C1QTNF3: variants seen among roughly 807,000 people sequenced by gnomAD.
The protein encoded by C1QTNF3 is complement C1q tumor necrosis factor-related protein 3.
C1QTNF3 carries 26 observed loss-of-function variants against 32.6 expected under a neutral mutation model. The ratio of observed to expected loss-of-function variants is 0.80; its 90% CI spans 0.58 to 1.11. C1QTNF3 has a LOEUF of 1.11. Ranked by LOEUF, C1QTNF3 falls within the 50% of genes least tolerant of loss-of-function variation. The probability of loss-of-function intolerance (pLI) is 0.00; values close to 1 mark genes in which losing one functional copy is unlikely to be tolerated. For synonymous variants in C1QTNF3, 155 were observed against 146.0 expected (o/e 1.06, Z -0.44); for missense variants, 362 against 398.2 (o/e 0.91, Z 0.77).
chr5:34,067,858 A>T, the C1QTNF3 span, among the ~76,000 whole-genome samples: 2 of 152,162 alleles, frequency 1.3e-5, no homozygotes, highest in Admixed American at 6.6e-5. Context: ...TACATTTTTA[A>T]ATGTTCATAA....
At chr5:34,177,468 G>A in the C1QTNF3 span, among the ~76,000 whole-genome samples, 6 of 142,168 alleles carry the variant, frequency 4.2e-5, no homozygotes, top group South Asian at 2.3e-4. Context: ...AGGCAAGCAC[G>A]ACCATACCCA....
chr5:34,139,237 C>T, the C1QTNF3 span, among the ~76,000 whole-genome samples: 15 of 151,516 alleles, frequency 9.9e-5, no homozygotes, highest in Non-Finnish European at 1.9e-4. Flanking sequence ...CATACACACA[C>T]GGACTTATTT....
the C1QTNF3 span, among the ~76,000 whole-genome samples, chr5:34,095,161 T>C: frequency 6.6e-6 from 1 of 152,094 alleles, no homozygotes; most frequent in South Asian, 2.1e-4. Flanking sequence ...GTCACTCTAC[T>C]CTACTATCAA....
chr5:34,044,068 T>A (rs892452758), upstream of C1QTNF3, among the ~76,000 whole-genome samples: 1 of 152,098 alleles, frequency 6.6e-6, no homozygotes, highest in Non-Finnish European at 1.5e-5. Flanking sequence ...TGAGACCCTG[T>A]CTCTACTTAA....
chr5:34,208,707 T>C, the C1QTNF3 span, among the ~76,000 whole-genome samples: 1 of 152,262 alleles, frequency 6.6e-6, no homozygotes, highest in South Asian at 2.1e-4. Flanking sequence ...TAAGTTATAC[T>C]AATGAAAAAA....
chr5:34,082,817 T>C, the C1QTNF3 span, among the ~76,000 whole-genome samples: 5 of 151,900 alleles, frequency 3.3e-5, 1 homozygote, highest in South Asian at 2.1e-4. Flanking sequence ...TGAGACATTT[T>C]AGATAACTGA....
the C1QTNF3 span, among the ~76,000 whole-genome samples, chr5:34,060,152 C>T: frequency 6.6e-6 from 1 of 152,176 alleles, no homozygotes; most frequent in African/African-American, 2.4e-5. Context: ...GACATCACTG[C>T]CTGACTCTGT....
At chr5:34,166,424 A>C in the C1QTNF3 span, 4 of 152,088 alleles carry the variant, frequency 2.6e-5, no homozygotes, top group South Asian at 4.1e-4. Context: ...GGAAAAAAAA[A>C]CAAAAAACAA....
the C1QTNF3 span, among the ~76,000 whole-genome samples, chr5:34,230,845 C>T: frequency 1.3e-5 from 2 of 151,944 alleles, no homozygotes; most frequent in African/African-American, 2.4e-5. Flanking sequence ...GTCTATGTTC[C>T]TTTTGCTTTT....
chr5:34,055,394 C>T, the C1QTNF3 span, among the ~76,000 whole-genome samples: 3 of 152,130 alleles, frequency 2.0e-5, no homozygotes, highest in Non-Finnish European at 2.9e-5. Context: ...GGATTCTCAC[C>T]GTATGAAAAG....
chr5:34,093,781 A>G, the C1QTNF3 span, among the ~76,000 whole-genome samples: 1 of 152,000 alleles, frequency 6.6e-6, no homozygotes, highest in Non-Finnish European at 1.5e-5. Flanking sequence ...ACTTTTTTGC[A>G]TACTCACAAA....
the C1QTNF3 span, among the ~76,000 whole-genome samples, chr5:34,054,718 C>T: frequency 6.6e-6 from 1 of 151,668 alleles, no homozygotes; most frequent in South Asian, 2.2e-4. Context: ...TTTAAAAGGG[C>T]AATAAGTGGT....
the C1QTNF3 span, among the ~76,000 whole-genome samples, chr5:34,221,685 A>G: frequency 6.6e-6 from 1 of 152,254 alleles, no homozygotes; most frequent in East Asian, 1.9e-4. Context: ...CAACAGTGAC[A>G]GTAATTCAGA....
chr5:34,043,023 T>C lies in C1QTNF3; in HGVS notation c.103A>G (p.Lys35Glu). The change falls in exon 1 of 6, where the codon AAA becomes GAA. Residue 35 changes from lysine to glutamate, a missense_variant. Physicochemically the swap from Lys to Glu is moderately conservative, Grantham distance 56. Coordinates refer to ENST00000382065, the MANE Select transcript of C1QTNF3 (RefSeq NM_181435.6). ...CTTTGCACTATTCTTGCCACCACTTTATTAGTTCTTCCGCTCACCTCCATG... is the reference window on the plus strand; with the variant it reads ...CTTTGCACTATTCTTGCCACCACTTCATTAGTTCTTCCGCTCACCTCCATG... ...EYMEVSGRTN[K>E]VVARIVQSHQ... 1.2e-6 allele frequency: 2 copies of C among 1,614,206 alleles called. No individual in the cohort carries two copies. Among genetic ancestry groups the C allele is most frequent in the South Asian group, 1.1e-5 (1 of 91,084 alleles).
the C1QTNF3 span, among the ~76,000 whole-genome samples, chr5:34,231,078 C>T: frequency 6.6e-6 from 1 of 152,058 alleles, no homozygotes; most frequent in South Asian, 2.1e-4. Flanking sequence ...AAAAATCTTC[C>T]TCTCACTCTT....
the C1QTNF3 span, among the ~76,000 whole-genome samples, chr5:34,123,870 T>C: frequency 1.2e-4 from 18 of 152,200 alleles, no homozygotes; most frequent in Non-Finnish European, 1.2e-4. Flanking sequence ...TGCGAGTGTA[T>C]GTGTTTAATT....
chr5:34,046,060 A>G (rs899473466), upstream of C1QTNF3, among the ~76,000 whole-genome samples: 1 of 152,208 alleles, frequency 6.6e-6, no homozygotes, highest in African/African-American at 2.4e-5. Context: ...GGCAAAACTT[A>G]ACTTCAGCAA....
At chr5:34,128,733 A>C in the C1QTNF3 span, among the ~76,000 whole-genome samples, 7 of 152,254 alleles carry the variant, frequency 4.6e-5, no homozygotes, top group South Asian at 1.5e-3. Context: ...TTGGAACAGG[A>C]GTTATCTACC....
At chr5:34,127,790 CAA>C in the C1QTNF3 span, among the ~76,000 whole-genome samples, 1 of 151,092 alleles carries the variant, frequency 6.6e-6, no homozygotes, top group African/African-American at 2.4e-5. Context: ...CATGCATTCA[CAA>C]AGAGATGGTT....
Sources: allele counts gnomAD v4.1 joint callset (sites outside exome capture counted in the v4.1 genomes callset), GRCh38; gene constraint gnomAD v4.1.1; transcripts MANE v1.5; gene names NCBI Gene and HGNC (gene_info 2026-07-23, HGNC 2026-07-21).